The following CALCR variants were observed in gnomAD, a reference collection of about 807,000 sequenced individuals.
The protein encoded by CALCR is calcitonin receptor.
CALCR carries 47 observed loss-of-function variants against 59.5 expected under a neutral mutation model. That is an observed-to-expected ratio of 0.79 (90% confidence interval 0.63 to 1.01). The LOEUF (loss-of-function observed/expected upper bound fraction) is 1.01. Ranked by LOEUF, CALCR falls within the 50% of genes least tolerant of loss-of-function variation. The pLI is 0.00. For missense variants in CALCR, 566 were observed against 597.1 expected (o/e 0.95, Z 0.54); for synonymous variants, 213 against 211.3 (o/e 1.01, Z -0.07).
intron 2 of CALCR, among the ~76,000 whole-genome samples, chr7:93,500,704 G>A (rs1403407080): frequency 1.3e-5 from 2 of 151,894 alleles, no homozygotes; most frequent in Non-Finnish European, 2.9e-5. Context: ...TTGCTCTTAC[G>A]GAGTCTTTCT....
chr7:93,460,578 T>TATATATATATATAC (rs1554397797), intron 8 of CALCR, among the ~76,000 whole-genome samples: 19 of 107,852 alleles, frequency 1.8e-4, no homozygotes, highest in African/African-American at 9.0e-4. Context: ...AAAAAATATA[T>TATATATATATATAC]ATATATATAT....
At chr7:93,434,554 A>G (rs1799734208) in intron 12 of CALCR, among the ~76,000 whole-genome samples, 1 of 151,924 alleles carries the variant, frequency 6.6e-6, no homozygotes, top group South Asian at 2.1e-4. Flanking sequence ...TCCCTTTAAC[A>G]TGGAGATTTA....
chr7:93,508,608 T>TA (rs1259621121), intron 2 of CALCR, among the ~76,000 whole-genome samples: 2 of 152,180 alleles, frequency 1.3e-5, no homozygotes, highest in South Asian at 2.1e-4. Context: ...GAATTATTTT[T>TA]AACTAACCCT....
intron 2 of CALCR, among the ~76,000 whole-genome samples, chr7:93,554,650 C>A (rs1321267824): frequency 1.3e-5 from 2 of 151,600 alleles, no homozygotes; most frequent in Non-Finnish European, 2.9e-5. Context: ...GACCCATTAG[C>A]AGGCTTATTT....
chr7:93,444,918 A>T (rs1192415899), intron 8 of CALCR, among the ~76,000 whole-genome samples: 3 of 152,092 alleles, frequency 2.0e-5, no homozygotes, highest in Non-Finnish European at 2.9e-5. Flanking sequence ...TACTGTAGCA[A>T]CCTTTTCCGA....
At chr7:93,566,722 A>G (rs969582858) in intron 2 of CALCR, among the ~76,000 whole-genome samples, 3 of 152,150 alleles carry the variant, frequency 2.0e-5, no homozygotes, top group African/African-American at 4.8e-5. Context: ...TGATTGTCTC[A>G]GGAAGTCACT....
chr7:93,572,501 T>A (rs1790030478), intron 2 of CALCR, among the ~76,000 whole-genome samples: 1 of 152,204 alleles, frequency 6.6e-6, no homozygotes, highest in Non-Finnish European at 1.5e-5. Context: ...GAGTTGAGAA[T>A]ACTGATTTAG....
At chr7:93,428,803 A>AG in intron 13 of CALCR, among the ~76,000 whole-genome samples, 1 of 151,968 alleles carries the variant, frequency 6.6e-6, no homozygotes, top group Non-Finnish European at 1.5e-5. Context: ...AAAAAAAAAA[A>AG]AAGGAAGCTG....
chr7:93,508,526 A>G (rs991887720), intron 2 of CALCR, among the ~76,000 whole-genome samples: 3 of 152,198 alleles, frequency 2.0e-5, no homozygotes, highest in African/African-American at 7.2e-5. Context: ...ACCATTGTTG[A>G]ACTCTCATGT....
intron 2 of CALCR, among the ~76,000 whole-genome samples, chr7:93,527,380 CTAAA>C (rs35603144): frequency 0.084 from 12,780 of 151,880 alleles, 584 homozygotes; most frequent in African/African-American, 0.094. Flanking sequence ...AATGGTGTAT[CTAAA>C]TATTGTCTAT....
At chr7:93,434,691 TG>T (rs924945533) in intron 12 of CALCR, among the ~76,000 whole-genome samples, 3 of 152,124 alleles carry the variant, frequency 2.0e-5, no homozygotes, top group African/African-American at 4.8e-5. Flanking sequence ...TGGGAGGCTG[TG>T]GGTCTGTGTC....
chr7:93,544,366 C>T (rs1789227343), intron 2 of CALCR, among the ~76,000 whole-genome samples: 1 of 152,084 alleles, frequency 6.6e-6, no homozygotes, highest in Admixed American at 6.6e-5. Flanking sequence ...GTACTAATTA[C>T]ATTAATTTAC....
chr7:93,522,025 T>C (rs530846455), intron 2 of CALCR, among the ~76,000 whole-genome samples: 24 of 152,176 alleles, frequency 1.6e-4, no homozygotes, highest in Non-Finnish European at 2.8e-4. Context: ...TTTTGAACAA[T>C]AGTTCAAAGA....
chr7:93,524,201 G>T (rs1278553103), intron 2 of CALCR, among the ~76,000 whole-genome samples: 2 of 138,872 alleles, frequency 1.4e-5, no homozygotes, highest in Non-Finnish European at 3.1e-5. Context: ...GACGAGTTTC[G>T]CTCTGTTGCC....
At chr7:93,525,076 C>T (rs1801848590) in intron 2 of CALCR, among the ~76,000 whole-genome samples, 1 of 152,076 alleles carries the variant, frequency 6.6e-6, no homozygotes, top group South Asian at 2.1e-4. Flanking sequence ...GTCTTATGAT[C>T]AAAAACATTA....
chr7:93,519,195 T>G (rs922960367), intron 2 of CALCR, among the ~76,000 whole-genome samples: 1 of 152,048 alleles, frequency 6.6e-6, no homozygotes, highest in Admixed American at 6.6e-5. Context: ...TTCTGTTGTG[T>G]GAATTTAAAT....
chr7:93,433,888 T>A (rs1222170387), intron 13 of CALCR, among the ~76,000 whole-genome samples: 1 of 152,244 alleles, frequency 6.6e-6, no homozygotes, highest in Admixed American at 6.5e-5. Context: ...GAGGAACTAG[T>A]ACAAACCGAA....
In CALCR at chr7:93,438,156, A is replaced by G. The variant is rs1584536474; in HGVS notation, c.864-30T>C. ...AAAAGGGCAAGGGGACAATTAATAC[A>G]CAAATACATTTTGTTTATGAATATG... On this transcript the variant is annotated intron_variant, in intron 10 of 13. Transcript: ENST00000426151. 7 of 1,613,000 alleles carry G rather than the reference A, an allele frequency of 4.3e-6. 1 individual carries two copies. In the Admixed American group the frequency reaches 1.2e-4, roughly 27 times the overall value.
chr7:93,433,408 G>A (rs1044620273), intron 13 of CALCR, among the ~76,000 whole-genome samples: 1 of 152,192 alleles, frequency 6.6e-6, no homozygotes, highest in Non-Finnish European at 1.5e-5. Context: ...ATAGCTCCAG[G>A]AAGGAATTAT....
Sources: allele counts gnomAD v4.1 joint callset (sites outside exome capture counted in the v4.1 genomes callset), GRCh38; gene constraint gnomAD v4.1.1; transcripts MANE v1.5; gene names NCBI Gene and HGNC (gene_info 2026-07-23, HGNC 2026-07-21).